Variants in SRRM3 observed in about 807,000 individuals in gnomAD.
The protein encoded by SRRM3 is serine/arginine repetitive matrix protein 3.
SRRM3 carries 27 observed loss-of-function variants against 66.2 expected under a neutral mutation model. That is an observed-to-expected ratio of 0.41 (90% CI 0.30 to 0.56). The LOEUF is 0.56. SRRM3 is among the 20% of genes least tolerant of loss of function. The pLI is 0.32. For synonymous variants in SRRM3, 391 were observed against 414.9 expected (o/e 0.94, Z 0.70); for missense variants, 918 against 991.9 (o/e 0.93, Z 1.00).
intron 2 of SRRM3, among the ~76,000 whole-genome samples, chr7:76,240,014 C>T (rs1323029908): frequency 6.6e-6 from 1 of 150,558 alleles, no homozygotes; most frequent in East Asian, 2.0e-4. Flanking sequence ...AAATACAAAA[C>T]AATTAGCCAG....
intron 2 of SRRM3, among the ~76,000 whole-genome samples, chr7:76,247,332 C>G (rs1425335761): frequency 6.6e-6 from 1 of 152,072 alleles, no homozygotes; most frequent in African/African-American, 2.4e-5. Context: ...TGAAACTACC[C>G]CTTGCCCCCC....
At chr7:76,225,529 G>C (rs1330556770) in intron 1 of SRRM3, among the ~76,000 whole-genome samples, 1 of 150,866 alleles carries the variant, frequency 6.6e-6, no homozygotes, top group Non-Finnish European at 1.5e-5. Flanking sequence ...AGCAAATGGG[G>C]CCCCCTGAAC....
intron 3 of SRRM3, among the ~76,000 whole-genome samples, chr7:76,252,330 GT>G (rs1554607001): frequency 1.3e-5 from 2 of 152,076 alleles, no homozygotes; most frequent in Non-Finnish European, 2.9e-5. Flanking sequence ...GTGTTTGCTT[GT>G]TTGTTTTTGA....
chr7:76,274,463 A>C (rs1802291038), intron 11 of SRRM3, among the ~76,000 whole-genome samples: 2 of 152,324 alleles, frequency 1.3e-5, no homozygotes, highest in South Asian at 2.1e-4. Context: ...CTACTTAGCA[A>C]AGTCTCTGTG....
At chr7:76,280,573 G>GC (rs1802470311) in intron 11 of SRRM3, among the ~76,000 whole-genome samples, 1 of 54,512 alleles carries the variant, frequency 1.8e-5, no homozygotes, top group Non-Finnish European at 3.9e-5. Context: ...TTTGGCCCCC[G>GC]CCCCCCACCG....
At chr7:76,227,666 A>G (rs530772892) in intron 1 of SRRM3, among the ~76,000 whole-genome samples, 1 of 152,258 alleles carries the variant, frequency 6.6e-6, no homozygotes, top group Admixed American at 6.5e-5. Context: ...AGTCTCCTGA[A>G]CCAGCCTGTG....
intron 1 of SRRM3, among the ~76,000 whole-genome samples, chr7:76,202,271 A>T (rs1554600686): frequency 4.6e-4 from 2 of 4,390 alleles, no homozygotes; most frequent in African/African-American, 2.1e-3. Context: ...GGATGGAGAC[A>T]GTGGAGACCT....
At chr7:76,238,180 G>C (rs549448868) in intron 2 of SRRM3, among the ~76,000 whole-genome samples, 37 of 152,262 alleles carry the variant, frequency 2.4e-4, no homozygotes, top group African/African-American at 8.9e-4. Flanking sequence ...AACAAGCCAC[G>C]GTTTACTCAC....
At chr7:76,215,402 T>G (rs1333431740) in intron 1 of SRRM3, among the ~76,000 whole-genome samples, 2 of 145,270 alleles carry the variant, frequency 1.4e-5, no homozygotes, top group African/African-American at 5.2e-5. Context: ...CAGTTTTTTT[T>G]TTTTTTTTTT....
chr7:76,235,410 C>G, intron 2 of SRRM3, 111 bp downstream of exon 2: 3 of 896,470 alleles, frequency 3.3e-6, no homozygotes, highest in South Asian at 1.8e-5. Context: ...GGGAGAAGGG[C>G]GGGGCTAGGG....
intron 2 of SRRM3, among the ~76,000 whole-genome samples, chr7:76,239,283 C>T (rs1027411015): frequency 9.2e-5 from 14 of 152,316 alleles, no homozygotes; most frequent in African/African-American, 3.1e-4. Context: ...ATCCACCCAC[C>T]TCGGCCTCCC....
In SRRM3 at chr7:76,285,808, C is replaced by T. The variant is rs947288409; in HGVS notation, c.1927C>T (p.His643Tyr). 1 of 1,550,816 alleles carries T rather than the reference C, an allele frequency of 6.4e-7. No homozygotes were observed. The highest frequency in any genetic ancestry group is 8.7e-7 in the Non-Finnish European group (1 of 1,147,080). Reference sequence around the variant, plus strand: ...CTCGAGGACCCCCAGTCCCAGCTACCACAGCCGGAGCAGCTCTGAGAGCGG... The same window carrying T: ...CTCGAGGACCCCCAGTCCCAGCTACTACAGCCGGAGCAGCTCTGAGAGCGG... Reference protein sequence around the residue: ...SPSRTPSPSYHSRSSSESGGF With the variant: ...SPSRTPSPSYYSRSSSESGGF Residue 643 changes from histidine to tyrosine, a missense_variant, in exon 15 of 15, where the codon CAC becomes TAC. His to Tyr is a moderately conservative substitution (Grantham distance 83). Coordinates refer to ENST00000611745, the MANE Select transcript of SRRM3 (RefSeq NM_001110199.3). The surrounding 1 kb of genome is among the most constrained non-coding windows in gnomAD (Gnocchi z 4.1).
chr7:76,215,504 T>G (rs1554602426), intron 1 of SRRM3, among the ~76,000 whole-genome samples: 2 of 147,366 alleles, frequency 1.4e-5, no homozygotes, highest in African/African-American at 5.0e-5. Flanking sequence ...TAGGCCCAAA[T>G]GATCCTCCCA....
Position 76,235,268 on chromosome 7 carries a change from A to T in SRRM3, c.202A>T (p.Met68Leu), listed in dbSNP as rs782025302. 2 of 1,536,788 alleles carry T rather than the reference A, an allele frequency of 1.3e-6. No individual in the cohort carries two copies. Among genetic ancestry groups the T allele is most frequent in the Non-Finnish European group, 1.7e-6 (2 of 1,149,030 alleles). Reference sequence around the variant, plus strand: ...CAAGCGGCGGGTGGAGCTCAAGTGCATGGAGCTGCAGGAGATGATGGAGGA... The same window carrying T: ...CAAGCGGCGGGTGGAGCTCAAGTGCTTGGAGCTGCAGGAGATGATGGAGGA... Reference protein sequence around the residue: ...ERKRRVELKCMELQEMMEEQG... With the variant: ...ERKRRVELKCLELQEMMEEQG... Residue 68 changes from methionine to leucine, a missense_variant, in exon 2 of 15, where the codon ATG (methionine) becomes TTG (leucine). Physicochemically the swap from Met to Leu is conservative, Grantham distance 15. Coordinates refer to ENST00000611745, the MANE Select transcript of SRRM3 (RefSeq NM_001110199.3).
At chr7:76,261,505 A>AC in intron 7 of SRRM3, 41 bp from the exon 8 acceptor site, 1 of 1,606,576 alleles carries the variant, frequency 6.2e-7, no homozygotes. Flanking sequence ...CCCCTGGGCC[A>AC]CCCCAGGCAG....
intron 3 of SRRM3, among the ~76,000 whole-genome samples, chr7:76,255,937 C>T (rs575684726): frequency 1.3e-5 from 2 of 152,270 alleles, no homozygotes; most frequent in African/African-American, 2.4e-5. Context: ...CTCTGTTTAA[C>T]GGTGGCTACC....
chr7:76,280,005 A>G (rs1802453935), intron 11 of SRRM3, among the ~76,000 whole-genome samples: 1 of 151,970 alleles, frequency 6.6e-6, no homozygotes, highest in Non-Finnish European at 1.5e-5. Flanking sequence ...CTAATGATGA[A>G]CTTATACTAC....
rs534706234 is a variant in SRRM3, at chr7:76,285,889, G to A, written c.*46G>A. On this transcript the variant is annotated 3_prime_UTR_variant, in exon 15 of 15. Coordinates refer to ENST00000611745, the MANE Select transcript of SRRM3 (RefSeq NM_001110199.3). This position sits in a 1 kb window ranked among gnomAD's most constrained non-coding sequence, Gnocchi z 4.1. ...GTGCCCCCCTGGCACTGGGAGAGGC[G>A]AGGGGCGGGCCCCAGGACCCCAGTG... The A allele has an allele frequency of 1.2e-3, 1,853 of 1,513,686 alleles. 23 individuals carry two copies. The South Asian group carries it at 0.022, about 18-fold the overall frequency. 93.8% of individuals were successfully genotyped at this position (1,513,686 alleles called of 1,614,324 possible).
In SRRM3 at chr7:76,276,085, A is replaced by AAT. The variant is rs10549356; in HGVS notation, c.1009-5339_1009-5338dup. Among the ~76,000 whole-genome samples the AAT allele has an allele frequency of 4.2e-3, 623 of 148,156 alleles. 12 individuals are homozygous for AAT. Among genetic ancestry groups the AAT allele is most frequent in the Admixed American group, 0.029 (431 of 14,842 alleles). The stretch of plus-strand genomic sequence containing the variant: ...GCAGAGCCAGACCCCCATCTCAAAA[A>AAT]ATATATATATATATATATTACACAA... On this transcript the variant is annotated intron_variant, in intron 11 of 14. Transcript: ENST00000611745.
Sources: allele counts gnomAD v4.1 joint callset (sites outside exome capture counted in the v4.1 genomes callset), GRCh38; gene constraint gnomAD v4.1.1; non-coding constraint Gnocchi (gnomAD v3.1); transcripts MANE v1.5; gene names NCBI Gene and HGNC (gene_info 2026-07-23, HGNC 2026-07-21).